ATP2C2: variants seen among roughly 807,000 people sequenced by gnomAD.
The protein encoded by ATP2C2 is ATPase secretory pathway Ca2+ transporting 2, also known as calcium-transporting ATPase type 2C member 2.
ATP2C2 carries 171 observed loss-of-function variants against 110.8 expected under a neutral mutation model. That is an observed-to-expected ratio of 1.54 (90% CI 1.36 to 1.75). ATP2C2 has a LOEUF of 1.75. Among genes scored for constraint, ATP2C2 ranks in the 40% most tolerant of loss-of-function variants. The pLI is 0.00. For synonymous variants in ATP2C2, 804 were observed against 508.4 expected (o/e 1.58, Z -7.82); for missense variants, 1,963 against 1,235.0 (o/e 1.59, Z -8.84).
At chr16:84,458,445 T>G (rs1461833639) in intron 21 of ATP2C2, among the ~76,000 whole-genome samples, 1 of 145,514 alleles carries the variant, frequency 6.9e-6, no homozygotes, top group Non-Finnish European at 1.5e-5. Context: ...TGTATACATA[T>G]GTAACTAACC....
chr16:84,394,322 T>C (rs1904844323), intron 1 of ATP2C2, among the ~76,000 whole-genome samples: 2 of 152,114 alleles, frequency 1.3e-5, no homozygotes. Flanking sequence ...TTCTGAAACA[T>C]TTGAAAGAAA....
rs772836815 is a variant in ATP2C2, at chr16:84,460,747, C to T, written c.2427C>T (p.Ile809=). Residue 809 remains isoleucine, a synonymous_variant, in exon 24 of 27, where the codon ATC becomes ATT. Coordinates refer to ENST00000262429, the MANE Select transcript of ATP2C2 (RefSeq NM_014861.4). Reference sequence around the variant, plus strand: ...TCAGCAGAGCCCTCATCCTGAAGATCCTCATGTCCGCGGCCATCATCATCA... The same window carrying T: ...TCAGCAGAGCCCTCATCCTGAAGATTCTCATGTCCGCGGCCATCATCATCA... ...TILSRALILK[I]LMSAAIIISG... The T allele has an allele frequency of 8.7e-6, 14 of 1,614,026 alleles. No individual in the cohort carries two copies. Among genetic ancestry groups the T allele is most frequent in the South Asian group, 2.2e-5 (2 of 91,090 alleles).
At chr16:84,443,927 G>C (rs73245997) in intron 15 of ATP2C2, among the ~76,000 whole-genome samples, 27,864 of 152,100 alleles carry the variant, frequency 0.18, 3,165 homozygotes, top group East Asian at 0.53. Context: ...AGCACTTTAA[G>C]AGGCTAAGGC....
At chr16:84,450,717 G>A (rs1436801345) in intron 17 of ATP2C2, among the ~76,000 whole-genome samples, 3 of 152,122 alleles carry the variant, frequency 2.0e-5, no homozygotes, top group Admixed American at 1.3e-4. Context: ...AGATCACCCA[G>A]GGGCAGGAGC....
intron 1 of ATP2C2, among the ~76,000 whole-genome samples, chr16:84,371,168 C>T (rs974784574): frequency 1.1e-4 from 17 of 152,056 alleles, no homozygotes; most frequent in African/African-American, 3.6e-4. Flanking sequence ...GAACTGGAGA[C>T]GACCCCATGT....
At chr16:84,405,635 T>G (rs1905698245) in intron 3 of ATP2C2, among the ~76,000 whole-genome samples, 1 of 152,158 alleles carries the variant, frequency 6.6e-6, no homozygotes, top group Non-Finnish European at 1.5e-5. Flanking sequence ...AATTTCAATT[T>G]CAGGCTGGGC....
chr16:84,373,593 CGTTTGATGCAAGTCTA>C (rs1910086337), intron 1 of ATP2C2, among the ~76,000 whole-genome samples: 1 of 152,126 alleles, frequency 6.6e-6, no homozygotes, highest in Non-Finnish European at 1.5e-5. Flanking sequence ...ATATTCTATT[CGTTTGATGCAAGTCTA>C]GGTCCAGTCT....
chr16:84,375,015 T>C (rs533544012), intron 1 of ATP2C2, among the ~76,000 whole-genome samples: 1 of 152,188 alleles, frequency 6.6e-6, no homozygotes, highest in South Asian at 2.1e-4. Flanking sequence ...TGAGGGTTAA[T>C]ATAGACACCT....
intron 21 of ATP2C2, among the ~76,000 whole-genome samples, chr16:84,456,582 T>C (rs1482557923): frequency 8.4e-6 from 1 of 118,438 alleles, no homozygotes; most frequent in Non-Finnish European, 1.7e-5. Context: ...TGATTGTTTA[T>C]CTAGAAAACC....
chr16:84,438,655 A>G (rs532387910), intron 11 of ATP2C2, among the ~76,000 whole-genome samples: 130 of 152,230 alleles, frequency 8.5e-4, no homozygotes, highest in African/African-American at 2.4e-3. Context: ...CGCAGCAGGC[A>G]AGTGTGTCGC....
At chr16:84,411,551 C>T (rs1394711601) in intron 6 of ATP2C2, among the ~76,000 whole-genome samples, 3 of 152,162 alleles carry the variant, frequency 2.0e-5, no homozygotes, top group African/African-American at 7.2e-5. Context: ...AAGCAGTTCT[C>T]CTGCCTCAGC....
intron 15 of ATP2C2, among the ~76,000 whole-genome samples, chr16:84,445,746 A>G (rs1353978460): frequency 6.6e-6 from 1 of 152,242 alleles, no homozygotes; most frequent in East Asian, 1.9e-4. Flanking sequence ...ACTGTATTGT[A>G]CGCATATCTG....
At chr16:84,407,561 C>T (rs1905885704) in intron 3 of ATP2C2, 1 of 152,166 alleles carries the variant, frequency 6.6e-6, no homozygotes. Context: ...GCCTCAACTT[C>T]CCAGGCCCCA....
intron 1 of ATP2C2, among the ~76,000 whole-genome samples, chr16:84,387,443 C>A (rs902339504): frequency 1.3e-5 from 2 of 151,996 alleles, no homozygotes; most frequent in Non-Finnish European, 2.9e-5. Flanking sequence ...ACCAGGGAGG[C>A]GGAGGTTGCA....
At chr16:84,427,007 C>T (rs532803239) in intron 11 of ATP2C2, among the ~76,000 whole-genome samples, 1 of 152,188 alleles carries the variant, frequency 6.6e-6, no homozygotes, top group East Asian at 1.9e-4. Context: ...AAGCAGAGGC[C>T]GGGGATTGTC....
intron 2 of ATP2C2, among the ~76,000 whole-genome samples, chr16:84,402,338 C>G (rs182106190): frequency 5.9e-4 from 90 of 152,262 alleles, no homozygotes; most frequent in Admixed American, 1.4e-3. Flanking sequence ...ATTGCTCTAG[C>G]TAGAACTTAC....
chr16:84,459,300 G>T lies in ATP2C2; in HGVS notation c.2247G>T (p.Leu749=). The part of the protein sequence containing the change: ...TSISALSLIT[L]STVFNLPSPL... Reference sequence around the variant, plus strand: ...TCTCCGCCCTGAGTCTCATCACTCTGTCCACCGTGTTCAACCTGCCCAGCC... The same window carrying T: ...TCTCCGCCCTGAGTCTCATCACTCTTTCCACCGTGTTCAACCTGCCCAGCC... Residue 749 remains leucine (L), a synonymous_variant, in exon 23 of 27, where the codon CTG becomes CTT. Coordinates refer to ENST00000262429, the MANE Select transcript of ATP2C2 (RefSeq NM_014861.4). 1 of 1,614,190 alleles carries T rather than the reference G, an allele frequency of 6.2e-7. No individual in the cohort carries two copies. Among genetic ancestry groups the T allele is most frequent in the African/African-American group, 1.3e-5 (1 of 75,042 alleles).
chr16:84,422,507 A>G lies in ATP2C2; in HGVS notation c.742A>G (p.Met248Val), dbSNP rs1205978980. The G allele has an allele frequency of 1.2e-6, 2 of 1,614,098 alleles. No individual in the cohort carries two copies. Among genetic ancestry groups the G allele is most frequent in the Non-Finnish European group, 1.7e-6 (2 of 1,180,016 alleles). ...DLTTLSNIVF[M>V]GTLVQYGRGQ... Reference sequence around the variant, plus strand: ...CACCACCCTCAGCAACATCGTCTTCATGGGGACCCTGGTGCAGTATGGGAG... The same window carrying G: ...CACCACCCTCAGCAACATCGTCTTCGTGGGGACCCTGGTGCAGTATGGGAG... Residue 248 changes from methionine to valine, a missense_variant, in exon 8 of 27, where the codon ATG becomes GTG. Met to Val is a conservative substitution (Grantham distance 21, BLOSUM62 1). Transcript: ENST00000262429.
intron 19 of ATP2C2, 42 bp from the exon 20 acceptor site, chr16:84,453,279 C>G (rs750378484): frequency 8.1e-6 from 13 of 1,613,930 alleles, no homozygotes; most frequent in Middle Eastern, 1.6e-4. Context: ...TGGGTCACAG[C>G]TTTGAAATCT....
Sources: gnomAD v4.1 joint callset for allele counts (sites outside exome capture counted in the v4.1 genomes callset) on GRCh38, gnomAD v4.1.1 for gene constraint, MANE v1.5 for transcripts, NCBI Gene and HGNC (gene_info 2026-07-23, HGNC 2026-07-21) for gene names.